Variants in NHSL1 observed in about 807,000 individuals in gnomAD.
The protein encoded by NHSL1 is NHS like 1.
A neutral mutation model predicts 95.0 loss-of-function variants in NHSL1; 48 were observed. The ratio of observed to expected loss-of-function variants is 0.51; its 90% CI spans 0.40 to 0.64. The LOEUF (loss-of-function observed/expected upper bound fraction) is 0.64. Ranked by LOEUF, NHSL1 falls within the 30% of genes least tolerant of loss-of-function variation. The pLI, the probability that NHSL1 is intolerant of heterozygous loss-of-function variation, is 0.00. For missense variants in NHSL1, 1,971 were observed against 2,077.7 expected, an observed-to-expected ratio of 0.95 and a Z score of 1.00; for synonymous variants, 783 against 833.9, an observed-to-expected ratio of 0.94 and a Z score of 1.05.
At chr6:138,464,016 C>T in intron 3 of NHSL1, 2 of 332,096 alleles carry the variant, frequency 6.0e-6, no homozygotes, top group South Asian at 4.7e-5. Context: ...TAGAACAATG[C>T]TTGGCATATT....
intron 3 of NHSL1, among the ~76,000 whole-genome samples, chr6:138,455,505 TCACA>T (rs1777539059): frequency 1.2e-4 from 9 of 74,942 alleles, no homozygotes; most frequent in Admixed American, 8.5e-4. Context: ...AGCCCCGCCT[TCACA>T]TGCTCCCTGC....
chr6:138,675,545 T>C (rs1339736353), intron 1 of NHSL1, among the ~76,000 whole-genome samples: 4 of 151,754 alleles, frequency 2.6e-5, no homozygotes, highest in East Asian at 1.9e-4. Flanking sequence ...ATTTATTTAT[T>C]TATTTTTGAG....
chr6:138,546,515 G>C (rs933966085), upstream of NHSL1, among the ~76,000 whole-genome samples: 1 of 151,512 alleles, frequency 6.6e-6, no homozygotes, highest in African/African-American at 2.4e-5. Context: ...AGGCTGAGGA[G>C]GGAGGATTGT....
intron 1 of NHSL1, among the ~76,000 whole-genome samples, chr6:138,588,696 T>C (rs1194163977): frequency 6.6e-6 from 1 of 152,188 alleles, no homozygotes; most frequent in Non-Finnish European, 1.5e-5. Flanking sequence ...TCTTAAAACG[T>C]GTTGTTGTTA....
chr6:138,519,049 A>ATAC (rs1562344482), intron 1 of NHSL1, among the ~76,000 whole-genome samples: 15 of 151,366 alleles, frequency 9.9e-5, no homozygotes, highest in African/African-American at 2.0e-4. Context: ...TAAATAAATA[A>ATAC]ATACATACAT....
intron 1 of NHSL1, among the ~76,000 whole-genome samples, chr6:138,582,587 C>G (rs1342735012): frequency 1.3e-5 from 2 of 152,186 alleles, no homozygotes; most frequent in African/African-American, 4.8e-5. Flanking sequence ...AGGTTCTGAG[C>G]TGAGCATCCG....
At chr6:138,562,643 C>T (rs1203685265) in intron 1 of NHSL1, among the ~76,000 whole-genome samples, 2 of 152,124 alleles carry the variant, frequency 1.3e-5, no homozygotes, top group African/African-American at 4.8e-5. Flanking sequence ...GTCTGGGGCA[C>T]AGAGTAAGAC....
At chr6:138,459,068 C>T (rs537903689) in intron 3 of NHSL1, among the ~76,000 whole-genome samples, 9 of 152,120 alleles carry the variant, frequency 5.9e-5, no homozygotes, top group Admixed American at 1.3e-4. Flanking sequence ...ACACTCTCGG[C>T]TCACAGCAAC....
chr6:138,484,186 G>A lies in NHSL1; in HGVS notation c.212-10753C>T, dbSNP rs192549598. On this transcript the variant is annotated intron_variant, in intron 2 of 7. Coordinates refer to ENST00000343505, the MANE Select transcript of NHSL1 (RefSeq NM_001144060.2). ...AGGATTAAAAAGCTAACTGCATCAT[G>A]GGCAACTCCCCAAAGCTTTCTAGTC... Among the ~76,000 whole-genome samples, 209 of 152,266 alleles carry A rather than the reference G, an allele frequency of 1.4e-3. 1 individual carries two copies. The highest frequency in any genetic ancestry group is 4.0e-3 in the Admixed American group (61 of 15,292).
chr6:138,594,954 C>T (rs1784283037), intron 1 of NHSL1, among the ~76,000 whole-genome samples: 1 of 151,920 alleles, frequency 6.6e-6, no homozygotes, highest in Non-Finnish European at 1.5e-5. Flanking sequence ...GACCCTGTTC[C>T]CCAGCACAAG....
intron 1 of NHSL1, among the ~76,000 whole-genome samples, chr6:138,608,781 CT>C (rs1444813935): frequency 1.3e-5 from 2 of 152,200 alleles, no homozygotes; most frequent in Admixed American, 1.3e-4. Flanking sequence ...AGACAAATAA[CT>C]GTGCCAGTTA....
At chr6:138,568,347 C>G (rs916126322) in intron 1 of NHSL1, among the ~76,000 whole-genome samples, 1 of 152,160 alleles carries the variant, frequency 6.6e-6, no homozygotes, top group Non-Finnish European at 1.5e-5. Context: ...TTCTTTGTAT[C>G]CTGCACATAG....
chr6:138,643,296 C>G (rs1360580560), intron 1 of NHSL1, among the ~76,000 whole-genome samples: 1 of 152,118 alleles, frequency 6.6e-6, no homozygotes, highest in Non-Finnish European at 1.5e-5. Context: ...TCCCAACCTC[C>G]CTACTTCCAC....
In NHSL1 at chr6:138,622,176, G is replaced by T. The variant is rs565209344; in HGVS notation, c.96+70300C>A. Among the ~76,000 whole-genome samples, 12 of 152,272 alleles carry T rather than the reference G, an allele frequency of 7.9e-5. No homozygotes were observed. In the South Asian group the frequency reaches 2.1e-3, roughly 26 times the overall value. ...GGAAAGAAGAAGGTGAGGAGGGAAT[G>T]ATATGAAGAAGAAGTGCATAGGTAA... On this transcript the variant is annotated intron_variant, in intron 1 of 3. Coordinates refer to the NHSL1 transcript ENST00000491526.
At chr6:138,435,024 A>G (rs545514922) in intron 5 of NHSL1, among the ~76,000 whole-genome samples, 3 of 152,168 alleles carry the variant, frequency 2.0e-5, no homozygotes, top group African/African-American at 7.2e-5. Flanking sequence ...TCCTCTCTCT[A>G]CCCTCTTTCA....
intron 1 of NHSL1, among the ~76,000 whole-genome samples, chr6:138,651,325 A>C (rs1316461513): frequency 6.6e-6 from 1 of 152,218 alleles, no homozygotes; most frequent in Non-Finnish European, 1.5e-5. Flanking sequence ...TTGGAGCACA[A>C]ACTGTGGTAT....
chr6:138,423,773 TAAA>T lies in NHSL1; in HGVS notation c.*305_*307del, dbSNP rs1254637659. ...GTGTATATGTGTATTTTTTAAAAAT[TAAA>T]AAGTGTGGAAAATGCACACATACAC... On this transcript the variant is annotated 3_prime_UTR_variant, in exon 8 of 8. Transcript: ENST00000343505. The T allele has an allele frequency of 3.3e-5, 7 of 209,598 alleles. No homozygotes were observed. In the Admixed American group the frequency reaches 4.5e-4, roughly 13 times the overall value. The allele number at this position is 209,598 out of a possible 1,614,324, so 13.0% of individuals were successfully genotyped here. A position where few individuals can be genotyped will look rare whatever the true frequency, so the allele number is the denominator to read the frequency against.
intron 1 of NHSL1, among the ~76,000 whole-genome samples, chr6:138,570,258 A>C (rs1783789784): frequency 6.6e-6 from 1 of 152,246 alleles, no homozygotes; most frequent in South Asian, 2.1e-4. Flanking sequence ...AACCTTTGGC[A>C]AAGCCCAAAG....
At chr6:138,654,674 T>G (rs1257305246) in intron 1 of NHSL1, among the ~76,000 whole-genome samples, 2 of 152,120 alleles carry the variant, frequency 1.3e-5, no homozygotes, top group Admixed American at 6.6e-5. Flanking sequence ...GATTCCTCCA[T>G]AAAATGCTCC....
Sources: gnomAD v4.1 joint callset for allele counts (sites outside exome capture counted in the v4.1 genomes callset) on GRCh38, gnomAD v4.1.1 for gene constraint, MANE v1.5 for transcripts, NCBI Gene and HGNC (gene_info 2026-07-23, HGNC 2026-07-21) for gene names.